The following IQANK1 variants were observed in gnomAD, a reference collection of about 807,000 sequenced individuals.
The protein encoded by IQANK1 is IQ motif and ankyrin repeat containing 1.
A neutral mutation model predicts 22.6 loss-of-function variants in IQANK1; 30 were observed. The observed-to-expected ratio is 1.33, with a 90% CI of 0.99 to 1.80. The LOEUF is 1.80. Ranked by LOEUF, IQANK1 falls within the 40% of genes most tolerant of loss-of-function variation. IQANK1 has a pLI of 0.00. For missense variants in IQANK1, 275 were observed against 235.2 expected (o/e 1.17, Z -1.11); for synonymous variants, 122 against 99.6 (o/e 1.23, Z -1.34).
chr8:143,787,897 C>T (rs1220568872), intron 7 of IQANK1, among the ~76,000 whole-genome samples: 6 of 152,058 alleles, frequency 3.9e-5, no homozygotes, highest in Admixed American at 1.3e-4. Context: ...CTGGCCCCGT[C>T]GCCAGGCCTG....
At chr8:143,788,212 G>C (rs1162521901) in intron 7 of IQANK1, among the ~76,000 whole-genome samples, 1 of 152,326 alleles carries the variant, frequency 6.6e-6, no homozygotes, top group South Asian at 2.1e-4. Flanking sequence ...ACAGCTTCCT[G>C]GTCAAGCGTG....
At chr8:143,772,884 T>C (rs545708580) in intron 7 of IQANK1, among the ~76,000 whole-genome samples, 168 of 152,266 alleles carry the variant, frequency 1.1e-3, no homozygotes, top group African/African-American at 3.7e-3. Context: ...CTCACGGCGC[T>C]GGGGGCAGCA....
At chr8:143,766,696 G>A (rs372315967) in intron 3 of IQANK1, among the ~76,000 whole-genome samples, 8 of 152,054 alleles carry the variant, frequency 5.3e-5, no homozygotes, top group African/African-American at 1.9e-4. Flanking sequence ...AAAAAAGAAC[G>A]TACTGATTTT....
At chr8:143,751,662 G>GTATATATATATATATATATATA (rs1187068578) in intron 3 of IQANK1, among the ~76,000 whole-genome samples, 1,498 of 53,838 alleles carry the variant, frequency 0.028, 33 homozygotes, top group Non-Finnish European at 0.049. Context: ...GTGTGTGTGT[G>GTATATATATATATATATATATA]TGTATATATA....
At chr8:143,737,468 C>G (rs1818773247) in intron 2 of IQANK1, among the ~76,000 whole-genome samples, 2 of 152,228 alleles carry the variant, frequency 1.3e-5, no homozygotes, top group African/African-American at 4.8e-5. Flanking sequence ...GTCCCTTGGT[C>G]TTGCAGTGCC....
chr8:143,750,959 TG>T (rs1819176399), intron 3 of IQANK1, among the ~76,000 whole-genome samples: 1 of 151,018 alleles, frequency 6.6e-6, no homozygotes, highest in Non-Finnish European at 1.5e-5. Context: ...TGTGTGTGTG[TG>T]TGTGTGTTTT....
At chr8:143,748,780 A>T (rs1218381681) in intron 3 of IQANK1, among the ~76,000 whole-genome samples, 2 of 114,704 alleles carry the variant, frequency 1.7e-5, no homozygotes, top group African/African-American at 7.3e-5. Flanking sequence ...ATATAAATAT[A>T]TCATATATAA....
intron 3 of IQANK1, chr8:143,742,296 G>T (rs1554626638): frequency 4.5e-6 from 2 of 440,732 alleles, no homozygotes; most frequent in Non-Finnish European, 9.2e-6. Flanking sequence ...GGGTGATGAG[G>T]TGCCCCCCGG....
At chr8:143,757,205 C>T (rs553115787) in intron 3 of IQANK1, among the ~76,000 whole-genome samples, 22 of 152,338 alleles carry the variant, frequency 1.4e-4, no homozygotes, top group Admixed American at 1.3e-3. Context: ...CAGGGGCCAA[C>T]TCAAAGCCAC....
chr8:143,758,529 T>C lies in IQANK1; in HGVS notation c.176-12959T>C, dbSNP rs1228559446. 4 of 152,190 alleles carry C rather than the reference T, an allele frequency of 2.6e-5. No individual in the cohort carries two copies. Among genetic ancestry groups the C allele is most frequent in the Admixed American group, 1.3e-4 (2 of 15,264 alleles). The allele number at this position is 152,190 out of a possible 1,614,324, so 9.4% of individuals were successfully genotyped here. A position where few individuals can be genotyped will look rare whatever the true frequency, so the allele number is the denominator to read the frequency against. On this transcript the variant is annotated intron_variant, in intron 3 of 13. Coordinates refer to ENST00000527139, the MANE Select transcript of IQANK1 (RefSeq NM_001381874.1). This position sits in a 1 kb window ranked among gnomAD's most constrained non-coding sequence, Gnocchi z 4.2. Reference sequence around the variant, plus strand: ...GAAGGGATGATTTAACTCATGAAACTTGAGAACACGAGAACAACAAAAATA... The same window carrying C: ...GAAGGGATGATTTAACTCATGAAACCTGAGAACACGAGAACAACAAAAATA...
chr8:143,764,106 C>T (rs1190812675), intron 3 of IQANK1, among the ~76,000 whole-genome samples: 1 of 152,076 alleles, frequency 6.6e-6, no homozygotes, highest in African/African-American at 2.4e-5. Context: ...TCAGCAGTCA[C>T]AGAACAGAGA....
chr8:143,739,991 AGCTGTT>A (rs1818859298), intron 3 of IQANK1, 43 bp downstream of exon 3: 2 of 667,852 alleles, frequency 3.0e-6, no homozygotes, highest in South Asian at 3.2e-5. Context: ...TGACCGGGTG[AGCTGTT>A]GGCAGGGGGG....
chr8:143,738,096 C>T (rs1396909716), intron 2 of IQANK1, among the ~76,000 whole-genome samples: 3 of 152,128 alleles, frequency 2.0e-5, no homozygotes, highest in African/African-American at 4.8e-5. Context: ...CCTGTAGGGG[C>T]CACCCCCGCT....
At chr8:143,738,362 A>T (rs1370521367) in intron 2 of IQANK1, among the ~76,000 whole-genome samples, 1 of 152,158 alleles carries the variant, frequency 6.6e-6, no homozygotes, top group Non-Finnish European at 1.5e-5. Flanking sequence ...CTCCCACGCC[A>T]GGCTTGGCCC....
chr8:143,760,988 A>G (rs1172109710), intron 3 of IQANK1, among the ~76,000 whole-genome samples: 1 of 152,090 alleles, frequency 6.6e-6, no homozygotes, highest in Non-Finnish European at 1.5e-5. Context: ...GGAGCGCAGG[A>G]GCACCAGGGA....
At chr8:143,773,633 G>T (rs1819628508) in intron 7 of IQANK1, among the ~76,000 whole-genome samples, 1 of 152,134 alleles carries the variant, frequency 6.6e-6, no homozygotes, top group Non-Finnish European at 1.5e-5. Flanking sequence ...CCTGGGAGAT[G>T]CATCCACTGG....
At chr8:143,750,522 A>G (rs58237361) in intron 3 of IQANK1, among the ~76,000 whole-genome samples, 5,059 of 152,180 alleles carry the variant, frequency 0.033, 106 homozygotes, top group African/African-American at 0.067. Flanking sequence ...AGTTTAATCC[A>G]TTTACATTTA....
At chr8:143,742,641 T>C (rs1554626724) in intron 3 of IQANK1, 8 of 455,828 alleles carry the variant, frequency 1.8e-5, no homozygotes, top group South Asian at 1.5e-5. Flanking sequence ...AAAAGAAGAA[T>C]AGCCTCCACC....
At chr8:143,776,306 C>T (rs1192014182) in intron 7 of IQANK1, among the ~76,000 whole-genome samples, 13 of 120,966 alleles carry the variant, frequency 1.1e-4, no homozygotes, top group Admixed American at 3.7e-4. Flanking sequence ...CCGGCCTGGG[C>T]GACAGAGCGA....
Sources: allele counts gnomAD v4.1 joint callset (sites outside exome capture counted in the v4.1 genomes callset), GRCh38; gene constraint gnomAD v4.1.1; non-coding constraint Gnocchi (gnomAD v3.1); transcripts MANE v1.5; gene names NCBI Gene and HGNC (gene_info 2026-07-23, HGNC 2026-07-21).